The following NIPAL2 variants were observed in gnomAD, a reference collection of about 807,000 sequenced individuals.
The protein encoded by NIPAL2 is NIPA like domain containing 2.
In NIPAL2, 43 loss-of-function variants were observed where a neutral mutation model predicts 48.9. That is an observed-to-expected ratio of 0.88 (90% CI 0.69 to 1.13). The LOEUF (loss-of-function observed/expected upper bound fraction) is 1.13, where lower values mean the gene tolerates loss of function less well. Ranked by LOEUF, NIPAL2 falls within the 50% of genes most tolerant of loss-of-function variation. NIPAL2 has a pLI of 0.00. For synonymous variants in NIPAL2, 167 were observed against 174.6 expected (o/e 0.96, Z 0.34); for missense variants, 446 against 461.4 (o/e 0.97, Z 0.31).
chr8:98,278,359 C>T (rs1173329047), intron 1 of NIPAL2, among the ~76,000 whole-genome samples: 2 of 152,150 alleles, frequency 1.3e-5, no homozygotes, highest in Non-Finnish European at 2.9e-5. Context: ...AAGCTCTCCA[C>T]CATTATCCCT....
intron 3 of NIPAL2, among the ~76,000 whole-genome samples, chr8:98,244,094 T>C (rs1813138597): frequency 6.6e-6 from 1 of 151,988 alleles, no homozygotes; most frequent in Non-Finnish European, 1.5e-5. Flanking sequence ...CAAATGTGAT[T>C]ATGGATATGA....
chr8:98,230,511 A>G (rs2130777344), intron 4 of NIPAL2, among the ~76,000 whole-genome samples: 1 of 152,292 alleles, frequency 6.6e-6, no homozygotes, highest in South Asian at 2.1e-4. Flanking sequence ...TTCACCGTAA[A>G]TCTCCCAGAG....
intron 1 of NIPAL2, among the ~76,000 whole-genome samples, chr8:98,262,922 A>C (rs1814447652): frequency 6.6e-6 from 1 of 151,694 alleles, no homozygotes; most frequent in Non-Finnish European, 1.5e-5. Flanking sequence ...AATTATAACA[A>C]ACTATCTCTC....
intron 3 of NIPAL2, among the ~76,000 whole-genome samples, chr8:98,237,891 C>T (rs930795861): frequency 6.6e-6 from 1 of 152,176 alleles, no homozygotes; most frequent in Admixed American, 6.5e-5. Flanking sequence ...CTGTCTTCCC[C>T]GAAAGACCAT....
intron 1 of NIPAL2, among the ~76,000 whole-genome samples, chr8:98,269,946 C>T (rs1597687): frequency 0.71 from 108,275 of 152,112 alleles, 42,030 homozygotes; most frequent in Non-Finnish European, 0.86. Context: ...ATTTGGTTTT[C>T]TGTTTCTGTG....
intron 3 of NIPAL2, among the ~76,000 whole-genome samples, chr8:98,242,790 C>T (rs551656339): frequency 6.6e-6 from 1 of 152,046 alleles, no homozygotes; most frequent in South Asian, 2.1e-4. Context: ...GGTCTTTTGC[C>T]TAAATATTCT....
chr8:98,237,332 G>A (rs772787463), intron 3 of NIPAL2, among the ~76,000 whole-genome samples: 2 of 151,938 alleles, frequency 1.3e-5, no homozygotes, highest in East Asian at 1.9e-4. Flanking sequence ...GATTACAGGC[G>A]TAATCCACCG....
chr8:98,252,677 A>G (rs1813660688), intron 2 of NIPAL2, 43 bp from the exon 3 acceptor site: 6 of 1,527,140 alleles, frequency 3.9e-6, no homozygotes, highest in Non-Finnish European at 5.3e-6. Context: ...ATTCTGAGCT[A>G]TGAGGGGAAT....
chr8:98,284,625 G>A (rs1356720851), intron 1 of NIPAL2, among the ~76,000 whole-genome samples: 4 of 152,038 alleles, frequency 2.6e-5, no homozygotes, highest in Non-Finnish European at 5.9e-5. Flanking sequence ...TGTGGGCTGT[G>A]ATAAGAGGGA....
intron 3 of NIPAL2, among the ~76,000 whole-genome samples, chr8:98,248,013 G>A (rs1813396190): frequency 6.6e-6 from 1 of 152,204 alleles, no homozygotes; most frequent in Non-Finnish European, 1.5e-5. Flanking sequence ...GCAAGAAGAT[G>A]GAAAACCGTA....
At position 98,192,726 on chromosome 8, in the gene NIPAL2, G is replaced by A. The variant is rs1810354317; in HGVS notation, c.*252C>T. On this transcript the variant is annotated 3_prime_UTR_variant, in exon 11 of 11. Coordinates refer to ENST00000430223, the MANE Select transcript of NIPAL2 (RefSeq NM_001321635.2). ...AGAGCAGCCGGGCTCTGAGTAAGGT[G>A]TAGCTGGCTAGATAATCACTAGGGA... 2.0e-6 allele frequency: 1 copy of A among 498,162 alleles called. No homozygotes were observed. Among genetic ancestry groups the A allele is most frequent in the East Asian group, 3.2e-5 (1 of 31,114 alleles). The allele number at this position is 498,162 out of a possible 1,614,324, so 30.9% of individuals were successfully genotyped here.
chr8:98,193,802 CAAA>C (rs34531935), intron 10 of NIPAL2, among the ~76,000 whole-genome samples: 1 of 120,020 alleles, frequency 8.3e-6, no homozygotes, highest in African/African-American at 3.5e-5. Flanking sequence ...GACTCCATCT[CAAA>C]AAAAAAAAAA....
intron 3 of NIPAL2, among the ~76,000 whole-genome samples, chr8:98,241,327 A>G (rs950637601): frequency 6.6e-6 from 1 of 152,268 alleles, no homozygotes; most frequent in African/African-American, 2.4e-5. Context: ...ATCATCAGTA[A>G]TAAAGATAAT....
intron 3 of NIPAL2, among the ~76,000 whole-genome samples, chr8:98,243,884 T>A (rs1813127198): frequency 6.6e-6 from 1 of 152,176 alleles, no homozygotes. Flanking sequence ...TAAACTCTCT[T>A]CCCCTAAAAT....
chr8:98,219,692 A>T (rs544790903), intron 5 of NIPAL2, among the ~76,000 whole-genome samples: 7 of 152,216 alleles, frequency 4.6e-5, no homozygotes, highest in African/African-American at 1.4e-4. Context: ...TCAGGCTTCC[A>T]TCATCTCTTG....
At chr8:98,208,313 T>C (rs6991266) in intron 6 of NIPAL2, among the ~76,000 whole-genome samples, 81,820 of 152,016 alleles carry the variant, frequency 0.54, 22,155 homozygotes, top group South Asian at 0.63. Context: ...CAAAAATTTT[T>C]CTAGGTTGCC....
In NIPAL2 at chr8:98,236,146, A is replaced by T; in HGVS notation, c.436+9T>A. The T allele has an allele frequency of 1.3e-6, 2 of 1,539,382 alleles. No individual in the cohort carries two copies. The highest frequency in any genetic ancestry group is 4.6e-5 in the East Asian group (2 of 43,844). On this transcript the variant is annotated intron_variant, in intron 4 of 10. Transcript: ENST00000430223. Reference sequence around the variant, plus strand: ...ATGCTACAATTACATGAATTAAATAATTACTTACCGAGTAAGTCTGAGGCT... The same window carrying T: ...ATGCTACAATTACATGAATTAAATATTTACTTACCGAGTAAGTCTGAGGCT...
At chr8:98,236,316 G>A in intron 3 of NIPAL2, 102 bp from the exon 4 acceptor site, 4 of 716,810 alleles carry the variant, frequency 5.6e-6, no homozygotes, top group Non-Finnish European at 7.1e-6. Flanking sequence ...TGCCTGATGA[G>A]CTATGTCCTG....
chr8:98,273,742 C>G (rs1444677176), intron 1 of NIPAL2, among the ~76,000 whole-genome samples: 1 of 151,836 alleles, frequency 6.6e-6, no homozygotes, highest in Non-Finnish European at 1.5e-5. Context: ...CTCAATTTTT[C>G]CGTTTTCATC....
Sources: allele counts gnomAD v4.1 joint callset (sites outside exome capture counted in the v4.1 genomes callset), GRCh38; gene constraint gnomAD v4.1.1; transcripts MANE v1.5; gene names NCBI Gene and HGNC (gene_info 2026-07-23, HGNC 2026-07-21).